The following NINL variants were observed in gnomAD, a reference collection of about 807,000 sequenced individuals.
NINL encodes ninein like.
In NINL, 153 loss-of-function variants were observed where a neutral mutation model predicts 160.3. That is an observed-to-expected ratio of 0.95 (90% CI 0.84 to 1.09). NINL has a LOEUF of 1.09. Among genes scored for constraint, NINL ranks in the 50% least tolerant of loss-of-function variants. The pLI, the probability that NINL is intolerant of heterozygous loss-of-function variation, is 0.00. For missense variants in NINL, 1,829 were observed against 1,764.0 expected, an observed-to-expected ratio of 1.04 and a Z score of -0.66; for synonymous variants, 800 against 734.8, an observed-to-expected ratio of 1.09 and a Z score of -1.43.
rs775950413 is a variant in NINL, at chr20:25,476,127, TTC to T, written c.3162_3163del (p.Lys1055GlyfsTer2). On this transcript the variant is annotated frameshift_variant, in exon 17 of 24. Coordinates refer to ENST00000278886, the MANE Select transcript of NINL (RefSeq NM_025176.6). LOFTEE classifies it high-confidence loss of function. The stretch of plus-strand genomic sequence containing the variant: ...TAGAAGTTTGGTTTCCATGTCATCC[TTC>T]TCTCTCTCCAGCGCTATTTTGGTCT... The T allele has an allele frequency of 3.7e-6, 6 of 1,614,106 alleles. No homozygotes were observed. Among genetic ancestry groups the T allele is most frequent in the African/African-American group, 1.3e-5 (1 of 75,060 alleles).
chr20:25,496,721 C>T lies in NINL; in HGVS notation c.1252G>A (p.Val418Met). 2.5e-6 allele frequency: 4 copies of T among 1,614,126 alleles called. No individual in the cohort carries two copies. Among genetic ancestry groups the T allele is most frequent in the Non-Finnish European group, 3.4e-6 (4 of 1,180,034 alleles). The change falls in exon 10 of 24, where the codon GTG becomes ATG. Residue 418 changes from valine (V) to methionine (M), a missense_variant. Val to Met is a conservative substitution (Grantham distance 21). Coordinates refer to ENST00000278886, the MANE Select transcript of NINL (RefSeq NM_025176.6). ...GAGTGGCAGTCGTCCATCTCTTTCA[C>T]AAACTCCAGGTTCCTCTTCTCGGCC... ...ERAEKRNLEF[V>M]KEMDDCHSTL...
intron 7 of NINL, 134 bp downstream of exon 7, chr20:25,503,818 G>A (rs1030463965): frequency 2.7e-5 from 28 of 1,040,298 alleles, no homozygotes; most frequent in East Asian, 9.6e-5. Flanking sequence ...ATATACATGC[G>A]TGTGTGCATG....
intron 2 of NINL, among the ~76,000 whole-genome samples, chr20:25,518,593 A>C (rs905145442): frequency 1.3e-5 from 2 of 152,154 alleles, no homozygotes; most frequent in Non-Finnish European, 2.9e-5. Context: ...GTCTCTTAAG[A>C]ATAGTAACAG....
chr20:25,455,645 C>T lies in NINL; in HGVS notation c.3957+28G>A, dbSNP rs1245178686. The T allele has an allele frequency of 2.6e-6, 4 of 1,533,136 alleles. No homozygotes were observed. In the East Asian group the frequency reaches 6.7e-5, roughly 26 times the overall value. 95.0% of individuals were successfully genotyped at this position (1,533,136 alleles called of 1,614,324 possible). On this transcript the variant is annotated intron_variant, in intron 23 of 23. Transcript: ENST00000278886. ...GAGAGCGTTCAGAAGAGGACGTGAA[C>T]ACGAAAGCAGCAGCGCCCATCACTC...
chr20:25,478,934 C>G lies in NINL; in HGVS notation c.2190G>C (p.Leu730=), dbSNP rs1381745547. ...CGLALRHHSH[L]QQIRREAEAE... is the part of the protein sequence containing the mutation. ...GAAGCTGGCTGGACCTGATCTGCTGCAGGTGGCTGTGATGCCGCAGGGCCA... is the reference window on the plus strand; with the variant it reads ...GAAGCTGGCTGGACCTGATCTGCTGGAGGTGGCTGTGATGCCGCAGGGCCA... Residue 730 remains leucine (L), a synonymous_variant, in exon 16 of 24, where the codon CTG becomes CTC. Coordinates refer to ENST00000278886, the MANE Select transcript of NINL (RefSeq NM_025176.6). 3 of 1,546,264 alleles carry G rather than the reference C, an allele frequency of 1.9e-6. No homozygotes were observed. The highest frequency in any genetic ancestry group is 3.9e-5 in the Admixed American group (2 of 50,972).
At chr20:25,508,311 G>A (rs1477326139) in intron 5 of NINL, among the ~76,000 whole-genome samples, 4 of 152,264 alleles carry the variant, frequency 2.6e-5, no homozygotes, top group African/African-American at 7.2e-5. Flanking sequence ...GTCAGCCCAC[G>A]TAACCGCCTG....
chr20:25,561,036 T>G (rs1268973939), intron 1 of NINL, among the ~76,000 whole-genome samples: 1 of 16,660 alleles, frequency 6.0e-5, no homozygotes, highest in Non-Finnish European at 1.7e-4. Context: ...CCCTCTCCCC[T>G]CCTCTCCCTC....
At chr20:25,530,654 G>C (rs908309330) in intron 1 of NINL, among the ~76,000 whole-genome samples, 2 of 152,036 alleles carry the variant, frequency 1.3e-5, no homozygotes, top group African/African-American at 4.8e-5. Context: ...TGGGTGTCTG[G>C]GGAGGCATCA....
chr20:25,491,498 C>A lies in NINL; in HGVS notation c.1338G>T (p.Arg446Ser), dbSNP rs145024026. 2 of 1,613,920 alleles carry A rather than the reference C, an allele frequency of 1.2e-6. No homozygotes were observed. Among genetic ancestry groups the A allele is most frequent in the African/African-American group, 2.7e-5 (2 of 74,950 alleles). ...IKHLEQGYRE[R>S]LSLLRSEVEA... is the part of the protein sequence containing the mutation. Reference sequence around the variant, plus strand: ...CCACCTCAGACCGCAGGAGGCTCAGCCTTTCCCGGTACCCCTGCTCCAGAT... The same window carrying A: ...CCACCTCAGACCGCAGGAGGCTCAGACTTTCCCGGTACCCCTGCTCCAGAT... The change falls in exon 11 of 24, where the codon AGG becomes AGT. Residue 446 changes from arginine (R) to serine (S), a missense_variant. Physicochemically the swap from Arg to Ser is moderately radical, Grantham distance 110. Transcript: ENST00000278886.
chr20:25,518,823 C>G (rs1568937009), intron 2 of NINL, among the ~76,000 whole-genome samples: 1 of 151,658 alleles, frequency 6.6e-6, no homozygotes, highest in Admixed American at 6.6e-5. Flanking sequence ...TATGGCCAGG[C>G]ATGGTTGCTC....
intron 1 of NINL, among the ~76,000 whole-genome samples, chr20:25,546,787 T>G (rs971593714): frequency 1.3e-5 from 2 of 151,784 alleles, no homozygotes; most frequent in African/African-American, 4.8e-5. Flanking sequence ...AGAGGACTTT[T>G]CGCTTGTCAG....
At chr20:25,509,694 C>A (rs553481031) in intron 5 of NINL, 1 of 456,766 alleles carries the variant, frequency 2.2e-6, no homozygotes, top group Non-Finnish European at 4.4e-6. Context: ...CCTTTCTTCA[C>A]TCTTGCAGGC....
At chr20:25,558,084 T>C (rs556641193) in intron 1 of NINL, among the ~76,000 whole-genome samples, 57 of 152,118 alleles carry the variant, frequency 3.7e-4, no homozygotes, top group African/African-American at 1.3e-3. Context: ...GAGGCTGCAG[T>C]GAGCCGAGAT....
At chr20:25,498,676 A>G (rs1174441896) in intron 8 of NINL, among the ~76,000 whole-genome samples, 1 of 152,228 alleles carries the variant, frequency 6.6e-6, no homozygotes, top group Non-Finnish European at 1.5e-5. Flanking sequence ...TGTGGAGGCC[A>G]GGGCACAAGG....
At chr20:25,552,140 G>A (rs962058046) in intron 1 of NINL, among the ~76,000 whole-genome samples, 3 of 152,082 alleles carry the variant, frequency 2.0e-5, no homozygotes, top group South Asian at 2.1e-4. Context: ...ACCAGTTGGC[G>A]GGGTGGGGAT....
chr20:25,509,180 C>G lies in NINL; in HGVS notation c.517+1494G>C, dbSNP rs530751948. On this transcript the variant is annotated intron_variant, in intron 5 of 23. Transcript: ENST00000278886. ...GACCACATGTCCTTAGTGCCCTAAG[C>G]CACCAGGTGAGACAGTTGACTATCT... Among the ~76,000 whole-genome samples, 10 of 152,292 alleles carry G rather than the reference C, an allele frequency of 6.6e-5. No homozygotes were observed. In the South Asian group the frequency reaches 1.5e-3, roughly 22 times the overall value.
In NINL at chr20:25,467,308, T is replaced by C. The variant is rs543236916; in HGVS notation, c.3423+81A>G. ...TTTTAGAAGAATATTCTCTACTTCCTTTTGTAAGTTTAAAATGATTTCAAA... is the reference window on the plus strand; with the variant it reads ...TTTTAGAAGAATATTCTCTACTTCCCTTTGTAAGTTTAAAATGATTTCAAA... On this transcript the variant is annotated intron_variant, in intron 19 of 23. Coordinates refer to ENST00000278886, the MANE Select transcript of NINL (RefSeq NM_025176.6). 115 of 1,229,906 alleles carry C rather than the reference T, an allele frequency of 9.4e-5. 1 individual carries two copies. In the South Asian group the frequency reaches 1.3e-3, roughly 14 times the overall value. The allele number at this position is 1,229,906 out of a possible 1,614,324, so 76.2% of individuals were successfully genotyped here. A position where few individuals can be genotyped will look rare whatever the true frequency, so the allele number is the denominator to read the frequency against.
At chr20:25,584,712 A>G (rs1274718771) in intron 1 of NINL, among the ~76,000 whole-genome samples, 3 of 152,134 alleles carry the variant, frequency 2.0e-5, no homozygotes, top group African/African-American at 7.2e-5. Context: ...CAGAGCAGAA[A>G]GAAACGTGGC....
intron 17 of NINL, among the ~76,000 whole-genome samples, chr20:25,474,932 C>T (rs1287991675): frequency 1.3e-5 from 2 of 151,696 alleles, no homozygotes; most frequent in East Asian, 2.0e-4. Context: ...GGATTACAGG[C>T]GCACGCCACC....
Sources: allele counts gnomAD v4.1 joint callset (sites outside exome capture counted in the v4.1 genomes callset), GRCh38; gene constraint gnomAD v4.1.1; transcripts MANE v1.5; gene names NCBI Gene and HGNC (gene_info 2026-07-23, HGNC 2026-07-21).